The following BBS4 variants were observed in gnomAD, a reference collection of about 807,000 sequenced individuals.
BBS4 encodes BBSome complex member BBS4.
BBS4 carries 58 observed loss-of-function variants against 71.4 expected under a neutral mutation model. The observed-to-expected ratio is 0.81, with a 90% CI of 0.66 to 1.01. The LOEUF (loss-of-function observed/expected upper bound fraction) is 1.01, where lower values mean the gene tolerates loss of function less well. Ranked by LOEUF, BBS4 falls within the 50% of genes least tolerant of loss-of-function variation. The pLI is 0.00. For synonymous variants in BBS4, 228 were observed against 216.8 expected (o/e 1.05, Z -0.46); for missense variants, 660 against 607.9 (o/e 1.09, Z -0.90).
intron 3 of BBS4, among the ~76,000 whole-genome samples, chr15:72,711,121 C>T (rs1405800473): frequency 6.8e-6 from 1 of 147,632 alleles, no homozygotes; most frequent in Non-Finnish European, 1.5e-5. Flanking sequence ...TTTTTTGACA[C>T]CGCTGATCCG....
At chr15:72,731,807 CT>C in intron 12 of BBS4, 81 bp downstream of exon 12, 1 of 1,547,310 alleles carries the variant, frequency 6.5e-7, no homozygotes, top group Non-Finnish European at 8.9e-7. Flanking sequence ...AGATCAGTGG[CT>C]GTCTCATAGG....
At position 72,712,358 on chromosome 15, in the gene BBS4, G is replaced by C. The variant is rs1490851247; in HGVS notation, c.220+51G>C. On this transcript the variant is annotated intron_variant, in intron 4 of 15. Coordinates refer to ENST00000268057, the MANE Select transcript of BBS4 (RefSeq NM_033028.5). ...TGCTAGAGAAATACACTTTTCCTAG[G>C]TTCTTGAAAAAGATCAGGCAATTGA... is the stretch of plus-strand genomic sequence containing the variant. The C allele has an allele frequency of 3.2e-6, 5 of 1,552,472 alleles. No homozygotes were observed. The African/African-American group carries it at 5.4e-5, about 17-fold the overall frequency.
chr15:72,711,214 C>T (rs957120775), intron 3 of BBS4, among the ~76,000 whole-genome samples: 1 of 151,832 alleles, frequency 6.6e-6, no homozygotes, highest in East Asian at 1.9e-4. Context: ...ATGGCGTGAC[C>T]TCGGCTCACC....
intron 14 of BBS4, 60 bp downstream of exon 14, chr15:72,736,026 C>G (rs28397892): frequency 0.097 from 155,668 of 1,598,550 alleles, 7,908 homozygotes; most frequent in African/African-American, 0.12. Context: ...TTTTAAAAAT[C>G]AAGCCCAGAT....
At chr15:72,736,174 G>C (rs2065919262) in intron 14 of BBS4, among the ~76,000 whole-genome samples, 1 of 149,836 alleles carries the variant, frequency 6.7e-6, no homozygotes, top group African/African-American at 2.5e-5. Flanking sequence ...TTACTGAGTT[G>C]TTATTGCTAA....
chr15:72,702,844 G>A (rs1388796508), intron 2 of BBS4, among the ~76,000 whole-genome samples: 1 of 105,392 alleles, frequency 9.5e-6, no homozygotes, highest in African/African-American at 3.5e-5. Context: ...GTCTCGCTCT[G>A]TCGCCCAGGC....
chr15:72,733,546 ATT>A (rs1399103545), intron 12 of BBS4, among the ~76,000 whole-genome samples: 1 of 152,074 alleles, frequency 6.6e-6, no homozygotes, highest in Non-Finnish European at 1.5e-5. Flanking sequence ...TCTATCCTTT[ATT>A]AATTTGCTAA....
chr15:72,711,003 A>G (rs1315282984), intron 3 of BBS4, among the ~76,000 whole-genome samples: 2 of 144,586 alleles, frequency 1.4e-5, no homozygotes, highest in Admixed American at 7.1e-5. Context: ...GAGTTTCACC[A>G]TGTTGGTCAG....
At chr15:72,686,432 G>A in intron 1 of BBS4, 181 bp downstream of exon 1, 5 of 1,533,706 alleles carry the variant, frequency 3.3e-6, no homozygotes, top group Non-Finnish European at 4.4e-6. Flanking sequence ...GGGCAAGTCT[G>A]GATACTTAGC....
In BBS4 at chr15:72,737,737, C is replaced by T; in HGVS notation, c.*150C>T. 1 of 696,088 alleles carries T rather than the reference C, an allele frequency of 1.4e-6. No homozygotes were observed. The highest frequency in any genetic ancestry group is 2.6e-6 in the Non-Finnish European group (1 of 391,436). The allele number at this position is 696,088 out of a possible 1,614,324, so 43.1% of individuals were successfully genotyped here. A position where few individuals can be genotyped will look rare whatever the true frequency, so the allele number is the denominator to read the frequency against. On this transcript the variant is annotated 3_prime_UTR_variant, in exon 16 of 16. Transcript: ENST00000268057. ...GGAGCCAGCAGTTGAGCCTAAGGTC[C>T]TTCTACCTACCTGGTATTGGCATTT...
chr15:72,734,998 TAGTA>T, intron 12 of BBS4, 111 bp from the exon 13 acceptor site: 1 of 749,596 alleles, frequency 1.3e-6, no homozygotes. Flanking sequence ...TAAGCTGACT[TAGTA>T]AACTCTGGTG....
At chr15:72,712,913 CTT>C (rs901061527) in intron 4 of BBS4, among the ~76,000 whole-genome samples, 15 of 152,048 alleles carry the variant, frequency 9.9e-5, no homozygotes, top group African/African-American at 3.6e-4. Context: ...AACTTTAAAA[CTT>C]TTTGGCTCTT....
rs532315498 is a variant in BBS4 at position 72,687,309 on chromosome 15, T to C, written c.24+1058T>C. The stretch of plus-strand genomic sequence containing the variant: ...GAAACATTTTTATTAAGCTAAGAAA[T>C]TTAAAATAGCTAGGCCGGACGCGGT... On this transcript the variant is annotated intron_variant, in intron 1 of 15. Transcript: ENST00000268057. Among the ~76,000 whole-genome samples, 41 of 151,662 alleles carry C rather than the reference T, an allele frequency of 2.7e-4. No individual in the cohort carries two copies. In the Middle Eastern group the frequency reaches 0.01, roughly 38 times the overall value.
rs1028201366 is a variant in BBS4, at chr15:72,737,027, G to C, written c.1450+64G>C. On this transcript the variant is annotated intron_variant, in intron 15 of 15. Transcript: ENST00000268057. ...CAAGCCACATGTGTCTGTCAGCAGA[G>C]ATTATAGCTTTCAGTGAGGTTCTCT... 3.2e-6 allele frequency: 5 copies of C among 1,555,424 alleles called. No homozygotes were observed. The African/African-American group carries it at 6.8e-5, about 21-fold the overall frequency.
At chr15:72,702,973 AATTTT>A (rs2065201497) in intron 2 of BBS4, among the ~76,000 whole-genome samples, 3 of 129,852 alleles carry the variant, frequency 2.3e-5, no homozygotes, top group Admixed American at 8.6e-5. Context: ...ACGCCCGGCT[AATTTT>A]TTTTGTATTT....
At chr15:72,692,790 G>T (rs1466736818) in intron 1 of BBS4, among the ~76,000 whole-genome samples, 1 of 151,662 alleles carries the variant, frequency 6.6e-6, no homozygotes, top group African/African-American at 2.4e-5. Flanking sequence ...TAGAGGCAGA[G>T]TCTCGCTGTT....
At chr15:72,734,778 A>G (rs796883344) in intron 12 of BBS4, among the ~76,000 whole-genome samples, 87 of 152,332 alleles carry the variant, frequency 5.7e-4, no homozygotes, top group African/African-American at 2.0e-3. Flanking sequence ...TAATGTGGTC[A>G]GATTTGTAAG....
At position 72,735,148 on chromosome 15, in the gene BBS4, A is replaced by C. The variant is rs560253658; in HGVS notation, c.1072A>C (p.Lys358Gln). 2 of 1,613,700 alleles carry C rather than the reference A, an allele frequency of 1.2e-6. No individual in the cohort carries two copies. The highest frequency in any genetic ancestry group is 1.7e-6 in the Non-Finnish European group (2 of 1,179,770). ...LTNLEDIENA[K>Q]RAYAEAVHLD... ...CAATCTGGAAGATATAGAAAATGCC[A>C]AGAGAGCCTACGCAGAAGCAGTCCA... The change falls in exon 13 of 16, where the codon AAG becomes CAG. Residue 358 changes from lysine to glutamine, a missense_variant. Transcript: ENST00000268057.
chr15:72,696,546 GTTTC>G (rs544353408), intron 2 of BBS4, among the ~76,000 whole-genome samples: 2 of 152,056 alleles, frequency 1.3e-5, no homozygotes, highest in Non-Finnish European at 2.9e-5. Flanking sequence ...CCATTAATCT[GTTTC>G]TTTCTTCCTA....
Sources: gnomAD v4.1 joint callset for allele counts (sites outside exome capture counted in the v4.1 genomes callset) on GRCh38, gnomAD v4.1.1 for gene constraint, MANE v1.5 for transcripts, NCBI Gene and HGNC (gene_info 2026-07-23, HGNC 2026-07-21) for gene names.